TRAK1: variants seen among roughly 807,000 people sequenced by gnomAD.
TRAK1 encodes the protein trafficking kinesin protein 1, also known as trafficking kinesin-binding protein 1.
A neutral mutation model predicts 92.1 loss-of-function variants in TRAK1; 33 were observed. The ratio of observed to expected loss-of-function variants is 0.36; its 90% CI spans 0.27 to 0.48. The LOEUF (loss-of-function observed/expected upper bound fraction) is 0.48, where lower values mean the gene tolerates loss of function less well. Among genes scored for constraint, TRAK1 ranks in the 20% least tolerant of loss-of-function variants. The probability of loss-of-function intolerance (pLI) is 0.99; values close to 1 mark genes in which losing one functional copy is unlikely to be tolerated. For missense variants in TRAK1, 1,123 were observed against 1,257.9 expected (o/e 0.89, Z 1.62); for synonymous variants, 521 against 517.3 (o/e 1.01, Z -0.10).
At chr3:42,176,967 A>C in intron 3 of TRAK1, 77 bp downstream of exon 3, 2 of 1,327,518 alleles carry the variant, frequency 1.5e-6, no homozygotes, top group Non-Finnish European at 2.2e-6. Context: ...AGCATGCCTT[A>C]TCACCTGTTT....
chr3:42,076,287 G>A (rs528460303), intron 1 of TRAK1, among the ~76,000 whole-genome samples: 64 of 125,088 alleles, frequency 5.1e-4, no homozygotes, highest in African/African-American at 1.9e-3. Context: ...GTGCAATGGT[G>A]CGATCTCGGC....
At chr3:42,037,959 T>G (rs974378046) in intron 1 of TRAK1, among the ~76,000 whole-genome samples, 1 of 152,232 alleles carries the variant, frequency 6.6e-6, no homozygotes, top group Non-Finnish European at 1.5e-5. Context: ...AGATAGCCTC[T>G]CCTTTTTCCT....
intron 2 of TRAK1, chr3:42,149,650 C>A: frequency 1.3e-6 from 2 of 1,535,350 alleles, no homozygotes; most frequent in South Asian, 2.4e-5. Flanking sequence ...GGTATTGTCT[C>A]CTTCTGGGTG....
chr3:42,102,941 T>C (rs1677538833), intron 1 of TRAK1, among the ~76,000 whole-genome samples: 1 of 152,130 alleles, frequency 6.6e-6, no homozygotes, highest in African/African-American at 2.4e-5. Flanking sequence ...TGTGGTTACG[T>C]TTTTTCTTGT....
intron 1 of TRAK1, among the ~76,000 whole-genome samples, chr3:42,069,916 G>A (rs1703845284): frequency 6.6e-6 from 1 of 151,394 alleles, no homozygotes; most frequent in African/African-American, 2.4e-5. Context: ...CAGTGGCGCA[G>A]TCTCCCCTCA....
At chr3:42,217,849 T>C in intron 14 of TRAK1, 2 of 985,466 alleles carry the variant, frequency 2.0e-6, no homozygotes, top group Non-Finnish European at 2.4e-6. Context: ...TCTTCATAGC[T>C]TACTCCATTT....
chr3:42,219,596 G>A lies in TRAK1; in HGVS notation c.2066G>A (p.Ser689Asn), dbSNP rs776624988. The part of the protein sequence containing the change: ...PSDELTRVTP[S>N]LNSAPTPACG... The stretch of plus-strand genomic sequence containing the variant: ...GATGAGCTCACTCGGGTCACACCAA[G>A]GTAAGGGACCCTGGCTTTGGGGTGG... Residue 689 changes from serine (S) to asparagine (N), a missense_variant and splice_region_variant, in exon 15 of 16, where the codon AGC becomes AAC. Ser to Asn is a conservative substitution (Grantham distance 46). Transcript: ENST00000327628. The A allele has an allele frequency of 3.7e-6, 6 of 1,611,076 alleles. No homozygotes were observed. In the East Asian group the frequency reaches 1.3e-4, roughly 36 times the overall value.
intron 1 of TRAK1, among the ~76,000 whole-genome samples, chr3:42,095,209 G>A (rs1013912837): frequency 2.6e-5 from 4 of 152,190 alleles, no homozygotes; most frequent in African/African-American, 7.2e-5. Context: ...AGGTTTCCAA[G>A]TGTGGCTCCT....
chr3:42,129,289 G>A (rs1217835403), intron 2 of TRAK1, among the ~76,000 whole-genome samples: 1 of 152,166 alleles, frequency 6.6e-6, no homozygotes, highest in East Asian at 1.9e-4. Context: ...TAGGGCAGAG[G>A]TTCTCGGTTG....
chr3:42,196,254 G>A (rs1450998657), intron 10 of TRAK1, among the ~76,000 whole-genome samples: 2 of 152,188 alleles, frequency 1.3e-5, no homozygotes, highest in Non-Finnish European at 2.9e-5. Context: ...CATGCAGAAC[G>A]CCCAGATCTG....
chr3:42,044,981 T>TC (rs1230037843), intron 1 of TRAK1, among the ~76,000 whole-genome samples: 3 of 152,194 alleles, frequency 2.0e-5, no homozygotes, highest in African/African-American at 7.2e-5. Context: ...TTGTTTTTTT[T>TC]CCTAATCAGG....
At chr3:42,099,498 G>A (rs756761996) in intron 1 of TRAK1, among the ~76,000 whole-genome samples, 8 of 152,158 alleles carry the variant, frequency 5.3e-5, no homozygotes, top group Non-Finnish European at 7.4e-5. Context: ...GAACGTTTGC[G>A]TGGTACGAAC....
intron 2 of TRAK1, among the ~76,000 whole-genome samples, chr3:42,153,191 G>A (rs1700138610): frequency 6.6e-6 from 1 of 152,104 alleles, no homozygotes; most frequent in Non-Finnish European, 1.5e-5. Flanking sequence ...ATCACTTGAG[G>A]CCAGGAGTTT....
chr3:42,211,319 A>G (rs1709001607), intron 14 of TRAK1: 1 of 984,988 alleles, frequency 1.0e-6, no homozygotes, highest in African/African-American at 1.8e-5. Flanking sequence ...ATTTTAGAGA[A>G]GTCATCAAGT....
Position 42,177,007 on chromosome 3 carries a change from T to G in TRAK1, c.363+117T>G, listed in dbSNP as rs994390435. 2.2e-5 allele frequency: 20 copies of G among 922,042 alleles called. No individual in the cohort carries two copies. In the Admixed American group the frequency reaches 3.5e-4, roughly 16 times the overall value. 57.1% of individuals were successfully genotyped at this position (922,042 alleles called of 1,614,324 possible). On this transcript the variant is annotated intron_variant, in intron 3 of 15. Coordinates refer to ENST00000327628, the MANE Select transcript of TRAK1 (RefSeq NM_001042646.3). ...GAGGAATCTTGGAAATTGGTCTCTT[T>G]CGAGGTATAATTTAATGGCTTTACT...
rs185891949 is a variant in TRAK1 at position 42,219,152 on chromosome 3, A to C, written c.1964-342A>C. 9.4e-3 allele frequency: 9,297 copies of C among 985,364 alleles called. 53 individuals carry two copies. Among genetic ancestry groups the C allele is most frequent in the Middle Eastern group, 0.016 (30 of 1,914 alleles). 61.0% of individuals were successfully genotyped at this position (985,364 alleles called of 1,614,324 possible). A position where few individuals can be genotyped will look rare whatever the true frequency, so the allele number is the denominator to read the frequency against. On this transcript the variant is annotated intron_variant, in intron 14 of 15. Transcript: ENST00000327628. ...AAAGAAGACAGCAGGTTCTGACCTGAGGAGGGAAACCAAATTTATCCCACA... is the reference window on the plus strand; with the variant it reads ...AAAGAAGACAGCAGGTTCTGACCTGCGGAGGGAAACCAAATTTATCCCACA...
chr3:42,076,467 C>T (rs2148944972), intron 1 of TRAK1, among the ~76,000 whole-genome samples: 1 of 152,112 alleles, frequency 6.6e-6, no homozygotes, highest in Non-Finnish European at 1.5e-5. Flanking sequence ...CTCAGGTGAT[C>T]CACCCGCCTC....
At chr3:42,164,859 G>A (rs1701672365) in intron 2 of TRAK1, among the ~76,000 whole-genome samples, 1 of 152,198 alleles carries the variant, frequency 6.6e-6, no homozygotes, top group Non-Finnish European at 1.5e-5. Flanking sequence ...TGAAATAGTG[G>A]GTCCCGCCCT....
intron 1 of TRAK1, among the ~76,000 whole-genome samples, chr3:42,019,180 T>G (rs975208864): frequency 2.6e-5 from 4 of 152,206 alleles, no homozygotes; most frequent in Admixed American, 1.3e-4. Flanking sequence ...CACTTTTTTT[T>G]GTCTCTCTCC....
Sources: gnomAD v4.1 joint callset for allele counts (sites outside exome capture counted in the v4.1 genomes callset) on GRCh38, gnomAD v4.1.1 for gene constraint, MANE v1.5 for transcripts, NCBI Gene and HGNC (gene_info 2026-07-23, HGNC 2026-07-21) for gene names.